Variants in USP36 observed in about 807,000 individuals in gnomAD.
The protein encoded by USP36 is ubiquitin specific peptidase 36, also known as ubiquitin carboxyl-terminal hydrolase 36.
USP36 carries 59 observed loss-of-function variants against 111.5 expected under a neutral mutation model. The observed-to-expected ratio is 0.53, with a 90% confidence interval of 0.43 to 0.66. The LOEUF is 0.66. Among genes scored for constraint, USP36 ranks in the 30% least tolerant of loss-of-function variants. The pLI is 0.00. For synonymous variants in USP36, 628 were observed against 581.0 expected (o/e 1.08, Z -1.16); for missense variants, 1,488 against 1,468.0 (o/e 1.01, Z -0.22).
downstream of USP36, among the ~76,000 whole-genome samples, chr17:78,793,456 G>T (rs2093599424): frequency 1.3e-5 from 2 of 152,242 alleles, no homozygotes; most frequent in Middle Eastern, 6.8e-3. Context: ...CTTCTCCAAG[G>T]GTCATCCCCA....
chr17:78,798,787 G>C lies in USP36; in HGVS notation c.3240+121C>G, dbSNP rs958988422. ...CCACACGCCCGGACAGGCCTGGGCA[G>C]CCTGGCTCTTCTCATGCTCGGCCGC... On this transcript the variant is annotated intron_variant, in intron 19 of 20. Transcript: ENST00000449938. The surrounding 1 kb of genome is among the most constrained non-coding windows in gnomAD (Gnocchi z 5.1). The C allele has an allele frequency of 1.3e-5, 17 of 1,322,716 alleles. No homozygotes were observed. The Admixed American group carries it at 2.3e-4, about 18-fold the overall frequency. The allele number at this position is 1,322,716 out of a possible 1,614,324, so 81.9% of individuals were successfully genotyped here. A position where few individuals can be genotyped will look rare whatever the true frequency, so the allele number is the denominator to read the frequency against.
At position 78,806,267 on chromosome 17, in the gene USP36, G is replaced by A; in HGVS notation, c.2105C>T (p.Ala702Val). 1.2e-6 allele frequency: 2 copies of A among 1,613,742 alleles called. No homozygotes were observed. The highest frequency in any genetic ancestry group is 1.7e-6 in the Non-Finnish European group (2 of 1,179,992). ...SAKKASTLWR[A>V]TGNDLRPPPP... ...AGGTGGACGGAGGTCATTGCCGGTC[G>A]CCCTCCACAGGGTGCTGGCCTGCAG... The change falls in exon 15 of 21, where the codon GCG becomes GTG. Residue 702 changes from alanine to valine, a missense_variant. Transcript: ENST00000449938.
downstream of USP36, among the ~76,000 whole-genome samples, chr17:78,794,562 C>T (rs908186103): frequency 2.6e-5 from 4 of 152,184 alleles, no homozygotes; most frequent in Non-Finnish European, 5.9e-5. Context: ...GCCTGCGAGA[C>T]GACGTGAGTG....
At chr17:78,805,374 G>C (rs915977023) in intron 15 of USP36, among the ~76,000 whole-genome samples, 1 of 152,206 alleles carries the variant, frequency 6.6e-6, no homozygotes, top group Non-Finnish European at 1.5e-5. Context: ...GTGTGCTTGT[G>C]TGTGTATATG....
At chr17:78,830,039 C>T (rs979004329) in intron 4 of USP36, among the ~76,000 whole-genome samples, 4 of 152,134 alleles carry the variant, frequency 2.6e-5, no homozygotes, top group African/African-American at 9.7e-5. Flanking sequence ...GAGCCCAGCC[C>T]CGACAGTGGT....
chr17:78,835,274 A>T lies in USP36; in HGVS notation c.475+6T>A. On this transcript the variant is annotated splice_donor_region_variant and intron_variant, in intron 4 of 20. Coordinates refer to ENST00000449938, the MANE Select transcript of USP36 (RefSeq NM_001385174.1). The stretch of plus-strand genomic sequence containing the variant: ...AGCCACCCCACTGCTGCAAACCCAC[A>T]CTCACAGCTGCGAGCATGCTCCTTG... 1 of 1,613,616 alleles carries T rather than the reference A, an allele frequency of 6.2e-7. No homozygotes were observed. Among genetic ancestry groups the T allele is most frequent in the South Asian group, 1.1e-5 (1 of 90,960 alleles).
chr17:78,788,718 T>C (rs199852676), intron 3 of USP36, among the ~76,000 whole-genome samples: 58 of 152,094 alleles, frequency 3.8e-4, no homozygotes, highest in Middle Eastern at 3.4e-3. Context: ...GGGGTAGGTA[T>C]TGCTGAGGCC....
chr17:78,820,078 A>T, intron 8 of USP36, 66 bp from the exon 9 acceptor site: 1 of 1,547,832 alleles, frequency 6.5e-7, no homozygotes, highest in East Asian at 2.2e-5. Context: ...AAGAAATGCC[A>T]AATTTAAGGT....
Position 78,800,436 on chromosome 17 carries a change from G to A in USP36, c.3023-668C>T, listed in dbSNP as rs557889403. On this transcript the variant is annotated intron_variant, in intron 17 of 20. Coordinates refer to ENST00000449938, the MANE Select transcript of USP36 (RefSeq NM_001385174.1). ...GGACAGCACTCACCACCCTCATCGG[G>A]TTCTAGAAACCCTTTCTGAACTCGT... 9.2e-5 allele frequency among the ~76,000 whole-genome samples: 14 copies of A among 152,318 alleles called. No individual in the cohort carries two copies. The East Asian group carries it at 2.5e-3, about 27-fold the overall frequency.
chr17:78,793,302 T>C (rs1390976017), downstream of USP36, among the ~76,000 whole-genome samples: 2 of 152,044 alleles, frequency 1.3e-5, no homozygotes, highest in East Asian at 1.9e-4. Context: ...AGCAAAATAG[T>C]GTGCAGGGAT....
Position 78,807,509 on chromosome 17 carries a change from C to A in USP36, c.1535G>T (p.Gly512Val). 1 of 1,613,874 alleles carries A rather than the reference C, an allele frequency of 6.2e-7. No individual in the cohort carries two copies. The highest frequency in any genetic ancestry group is 8.5e-7 in the Non-Finnish European group (1 of 1,179,872). The stretch of plus-strand genomic sequence containing the variant: ...CTGGGAGAGTTTGGGGGAAGGGGAC[C>A]CCGAGGGCAGCTTTGGAGGAATGCA... The part of the protein sequence containing the change: ...NGCIPPKLPS[G>V]SPSPKLSQTP... Residue 512 changes from glycine to valine, a missense_variant, in exon 14 of 21, where the codon GGG becomes GTG. Gly to Val is a moderately radical substitution (Grantham distance 109). Coordinates refer to ENST00000449938, the MANE Select transcript of USP36 (RefSeq NM_001385174.1).
At chr17:78,790,511 T>A (rs924155874) in intron 3 of USP36, among the ~76,000 whole-genome samples, 1 of 152,118 alleles carries the variant, frequency 6.6e-6, no homozygotes, top group Non-Finnish European at 1.5e-5. Flanking sequence ...CAGGCTGGTT[T>A]TGAACTCCTG....
At position 78,798,352 on chromosome 17, in the gene USP36, G is replaced by A. The variant is rs1375964212; in HGVS notation, c.*20+48C>T. 3.8e-6 allele frequency: 6 copies of A among 1,599,352 alleles called. No individual in the cohort carries two copies. The South Asian group carries it at 6.6e-5, about 18-fold the overall frequency. On this transcript the variant is annotated intron_variant, in intron 20 of 20. Transcript: ENST00000449938. This position sits in a 1 kb window ranked among gnomAD's most constrained non-coding sequence, Gnocchi z 5.1. ...CACCACACCCCTACACACATACACG[G>A]CACACACACCCCCACCTCACCCTTA...
At chr17:78,832,717 G>T (rs1029886368) in intron 4 of USP36, among the ~76,000 whole-genome samples, 1 of 152,154 alleles carries the variant, frequency 6.6e-6, no homozygotes, top group Admixed American at 6.5e-5. Flanking sequence ...GACAGGCCTG[G>T]GATAGCAGAG....
chr17:78,820,031 G>T lies in USP36; in HGVS notation c.829-19C>A, dbSNP rs746907605. The T allele has an allele frequency of 6.2e-7, 1 of 1,613,432 alleles. No homozygotes were observed. Among genetic ancestry groups the T allele is most frequent in the Admixed American group, 1.7e-5 (1 of 59,972 alleles). On this transcript the variant is annotated intron_variant, in intron 8 of 20. Coordinates refer to ENST00000449938, the MANE Select transcript of USP36 (RefSeq NM_001385174.1). ...CAGCTTGCTGAGGAGGACAAAAACA[G>T]GGAGTAAAATACACAGCAGAGGAAA...
intron 4 of USP36, 130 bp downstream of exon 4, chr17:78,835,150 A>G: frequency 4.2e-6 from 4 of 948,720 alleles, no homozygotes; most frequent in Non-Finnish European, 6.3e-6. Flanking sequence ...TTTAGGTTTC[A>G]TCAGTTACTA....
rs149420360 is a variant in USP36, at chr17:78,807,005, G to C, written c.2039C>G (p.Thr680Ser). 1.1e-4 allele frequency: 182 copies of C among 1,614,238 alleles called. No individual in the cohort carries two copies. In the African/African-American group the frequency reaches 2.1e-3, roughly 19 times the overall value. Residue 680 changes from threonine to serine, a missense_variant, in exon 14 of 21, where the codon ACC (threonine) becomes AGC (serine). By Grantham distance (58) the Thr-to-Ser change is moderately conservative (BLOSUM62 1). Coordinates refer to ENST00000449938, the MANE Select transcript of USP36 (RefSeq NM_001385174.1). The stretch of plus-strand genomic sequence containing the variant: ...TTTTTTGGCTGGTGGAGGAGACATG[G>C]TGCTTGCAGGCTCAGTGGTGGTGTT... ...LSNTTTEPAS[T>S]MSPPPAKKLA...
chr17:78,833,890 A>G (rs12103607), intron 4 of USP36, among the ~76,000 whole-genome samples: 8,588 of 152,198 alleles, frequency 0.056, 769 homozygotes, highest in African/African-American at 0.19. Context: ...GAGCTGGGAA[A>G]GATTCTCTCC....
chr17:78,788,699 C>T (rs747423), intron 3 of USP36, among the ~76,000 whole-genome samples: 34,668 of 151,906 alleles, frequency 0.23, 4,122 homozygotes, highest in Admixed American at 0.33. Flanking sequence ...TGGAGGGACT[C>T]GGGTCCATGG....
Sources: allele counts gnomAD v4.1 joint callset (sites outside exome capture counted in the v4.1 genomes callset), GRCh38; gene constraint gnomAD v4.1.1; non-coding constraint Gnocchi (gnomAD v3.1); transcripts MANE v1.5; gene names NCBI Gene and HGNC (gene_info 2026-07-23, HGNC 2026-07-21).